Variants in RPAIN observed in about 807,000 individuals in gnomAD.
The protein encoded by RPAIN is RPA interacting protein, also known as RPA-interacting protein.
In RPAIN, 29 loss-of-function variants were observed where a neutral mutation model predicts 30.5. That is an observed-to-expected ratio of 0.95 (90% CI 0.71 to 1.30). The LOEUF is 1.30. Among genes scored for constraint, RPAIN ranks in the 50% most tolerant of loss-of-function variants. RPAIN has a pLI of 0.00. For missense variants in RPAIN, 247 were observed against 264.7 expected (o/e 0.93, Z 0.46); for synonymous variants, 101 against 93.5 (o/e 1.08, Z -0.46).
chr17:5,431,639 A>G (rs767417701), intron 6 of RPAIN: 2 of 456,766 alleles, frequency 4.4e-6, no homozygotes, highest in South Asian at 3.1e-5. Context: ...GTTAGAATCC[A>G]GTGAGGTCAG....
At chr17:5,420,340 C>T (rs771432836) in intron 1 of RPAIN, 49 bp downstream of exon 1, 4 of 1,521,386 alleles carry the variant, frequency 2.6e-6, no homozygotes, top group East Asian at 4.5e-5. Context: ...TCCCGGTGAC[C>T]GCCGTCTTCC....
intron 5 of RPAIN, 135 bp from the exon 6 acceptor site, chr17:5,427,936 C>T (rs951572286): frequency 7.0e-5 from 56 of 805,456 alleles, no homozygotes; most frequent in South Asian, 1.7e-4. Context: ...GTCATGGGCC[C>T]GAGTGTCTTT....
chr17:5,423,183 A>T (rs1232848865), intron 3 of RPAIN: 1 of 177,214 alleles, frequency 5.6e-6, no homozygotes, highest in Admixed American at 6.0e-5. Context: ...TCCAGTTCCC[A>T]TGTTTCTTCT....
At chr17:5,420,757 A>C (rs753748977) in intron 1 of RPAIN, among the ~76,000 whole-genome samples, 15 of 152,222 alleles carry the variant, frequency 9.9e-5, no homozygotes, top group Non-Finnish European at 1.9e-4. Flanking sequence ...CAGATACAGC[A>C]GAGTTTCTCA....
Position 5,428,231 on chromosome 17 carries a change from C to T in RPAIN, c.630+20C>T. On this transcript the variant is annotated intron_variant, in intron 6 of 6. Coordinates refer to ENST00000381209, the MANE Select transcript of RPAIN (RefSeq NM_001033002.4). ...TGTCTGGTAAGCGTCTCCTGGGACC[C>T]ACTCTGTGGTAAGAGGGACCTGTGG... 6.2e-7 allele frequency: 1 copy of T among 1,614,170 alleles called. No homozygotes were observed. Among genetic ancestry groups the T allele is most frequent in the Non-Finnish European group, 8.5e-7 (1 of 1,180,022 alleles).
Position 5,421,355 on chromosome 17 carries a change from T to C in RPAIN, c.141T>C (p.Ala47=). ...GGCTCCTAAACAGGTACCGCCAGGC[T>C]GGAAGCAGTGGGCCAGGGAATTCTC... ...RDRLLNRYRQ[A]GSSGPGNSQN... The change falls in exon 2 of 7, where the codon GCT becomes GCC. Residue 47 remains alanine, a synonymous_variant. Transcript: ENST00000381209. 1.9e-6 allele frequency: 3 copies of C among 1,614,082 alleles called. No individual in the cohort carries two copies. The highest frequency in any genetic ancestry group is 2.5e-6 in the Non-Finnish European group (3 of 1,180,004).
intron 3 of RPAIN, chr17:5,425,189 C>T (rs1915255998): frequency 2.5e-6 from 1 of 397,502 alleles, no homozygotes; most frequent in South Asian, 1.9e-5. Flanking sequence ...TCAACAATGA[C>T]AGTCTTTTTC....
At chr17:5,430,212 CCCCACA>C (rs966830115) in intron 6 of RPAIN, 32 of 151,858 alleles carry the variant, frequency 2.1e-4, no homozygotes, top group African/African-American at 7.5e-4. Context: ...CGCCTGTAAT[CCCCACA>C]CTTTGGGAGG....
rs1227942012 is a variant in RPAIN, at chr17:5,422,841, T to TA, written c.313+12_313+13insA. On this transcript the variant is annotated intron_variant, in intron 3 of 6. Transcript: ENST00000381209. ...GCTGATCAACCAAGGTAACCCCTAG[T>TA]GGTAGTCCTTCCTTACCTGTATTTA... The TA allele has an allele frequency of 1.3e-6, 2 of 1,597,028 alleles. No individual in the cohort carries two copies. The highest frequency in any genetic ancestry group is 1.7e-6 in the Non-Finnish European group (2 of 1,165,782).
At chr17:5,425,784 C>T (rs960546677) in intron 3 of RPAIN, among the ~76,000 whole-genome samples, 187 bp from the exon 4 acceptor site, 7 of 152,158 alleles carry the variant, frequency 4.6e-5, no homozygotes, top group African/African-American at 1.7e-4. Context: ...AAAAAGGGGA[C>T]AGAGAGGAGG....
At chr17:5,429,542 C>G (rs750020475) in intron 6 of RPAIN, 1 of 985,274 alleles carries the variant, frequency 1.0e-6, no homozygotes, top group African/African-American at 1.7e-5. Context: ...TTCCAGTGCC[C>G]CTGCTGTTTC....
At chr17:5,426,532 C>A in intron 5 of RPAIN, 1 of 489,236 alleles carries the variant, frequency 2.0e-6, no homozygotes, top group East Asian at 3.2e-5. Context: ...CACCGCTTAA[C>A]GTTTTTATGG....
At chr17:5,428,634 A>G (rs1915632517) in intron 6 of RPAIN, 1 of 840,298 alleles carries the variant, frequency 1.2e-6, no homozygotes. Flanking sequence ...TCCAAGGGCT[A>G]TTCGCTAACC....
At position 5,432,722 on chromosome 17, in the gene RPAIN, C is replaced by A. The variant is rs1334472532; in HGVS notation, c.*151C>A. The A allele has an allele frequency of 2.8e-5, 24 of 870,832 alleles. No individual in the cohort carries two copies. The highest frequency in any genetic ancestry group is 3.8e-5 in the Non-Finnish European group (22 of 573,894). The allele number at this position is 870,832 out of a possible 1,614,324, so 53.9% of individuals were successfully genotyped here. A position where few individuals can be genotyped will look rare whatever the true frequency, so the allele number is the denominator to read the frequency against. On this transcript the variant is annotated 3_prime_UTR_variant, in exon 7 of 7. Coordinates refer to ENST00000381209, the MANE Select transcript of RPAIN (RefSeq NM_001033002.4). Reference sequence around the variant, plus strand: ...AAAAAAAACTTTTCCGACATCTGTTCTTGGTCTTTTGTGACGCAGGTTGAA... The same window carrying A: ...AAAAAAAACTTTTCCGACATCTGTTATTGGTCTTTTGTGACGCAGGTTGAA...
At chr17:5,420,343 C>T in intron 1 of RPAIN, 52 bp downstream of exon 1, 1 of 1,505,522 alleles carries the variant, frequency 6.6e-7, no homozygotes, top group Non-Finnish European at 9.2e-7. Flanking sequence ...CGGTGACCGC[C>T]GTCTTCCCTG....
At chr17:5,431,594 T>C (rs939582262) in intron 6 of RPAIN, 4 of 456,314 alleles carry the variant, frequency 8.8e-6, no homozygotes, top group African/African-American at 8.0e-5. Context: ...ACTAGACCTT[T>C]GGTTTTCACT....
intron 1 of RPAIN, 130 bp from the exon 2 acceptor site, chr17:5,421,166 A>G (rs1357355851): frequency 3.7e-6 from 3 of 818,240 alleles, no homozygotes; most frequent in Non-Finnish European, 5.7e-6. Context: ...CAAAAGTAAC[A>G]CTAGTTAGTA....
At chr17:5,428,492 T>G in intron 6 of RPAIN, 6 of 1,403,544 alleles carry the variant, frequency 4.3e-6, no homozygotes, top group Non-Finnish European at 5.6e-6. Flanking sequence ...GTAGTGGTTT[T>G]GGATTCAGCT....
At chr17:5,428,759 G>C in intron 6 of RPAIN, 2 of 1,000,770 alleles carry the variant, frequency 2.0e-6, no homozygotes, top group Non-Finnish European at 1.2e-6. Flanking sequence ...TTCCATATAT[G>C]TGTATGTATG....
Sources: gnomAD v4.1 joint callset for allele counts (sites outside exome capture counted in the v4.1 genomes callset) on GRCh38, gnomAD v4.1.1 for gene constraint, MANE v1.5 for transcripts, NCBI Gene and HGNC (gene_info 2026-07-23, HGNC 2026-07-21) for gene names.